INPP4B: variants seen among roughly 807,000 people sequenced by gnomAD.
The protein encoded by INPP4B is inositol polyphosphate 4-phosphatase type II.
In INPP4B, 55 loss-of-function variants were observed where a neutral mutation model predicts 122.5. The ratio of observed to expected loss-of-function variants is 0.45; its 90% CI spans 0.36 to 0.56. INPP4B has a LOEUF of 0.56. Among genes scored for constraint, INPP4B ranks in the 20% least tolerant of loss-of-function variants. INPP4B has a pLI of 0.00. For missense variants in INPP4B, 1,000 were observed against 1,097.7 expected (o/e 0.91, Z 1.26); for synonymous variants, 403 against 388.7 (o/e 1.04, Z -0.43).
intron 2 of INPP4B, among the ~76,000 whole-genome samples, chr4:142,516,492 AG>A (rs1825429127): frequency 3.9e-5 from 6 of 152,158 alleles, no homozygotes; most frequent in African/African-American, 1.2e-4. Context: ...GGACAGAGAG[AG>A]TAAGTCACCA....
chr4:142,446,110 G>A (rs1483552056), intron 3 of INPP4B, among the ~76,000 whole-genome samples: 1 of 151,520 alleles, frequency 6.6e-6, no homozygotes, highest in Non-Finnish European at 1.5e-5. Flanking sequence ...TAGAAAAAGG[G>A]CAAATTAAAT....
rs573149396 is a variant in INPP4B at position 142,120,060 on chromosome 4, TA to T, written c.2135+2067del. Among the ~76,000 whole-genome samples the T allele has an allele frequency of 3.3e-5, 5 of 152,022 alleles. No homozygotes were observed. In the East Asian group the frequency reaches 7.7e-4, roughly 24 times the overall value. ...ATGTGTAAATTCTTCTCTTTCCATA[TA>T]GATAAACCAATTGTCCCAGCATCAT... On this transcript the variant is annotated intron_variant, in intron 21 of 25. Coordinates refer to ENST00000262992, the MANE Select transcript of INPP4B (RefSeq NM_001101669.3).
At chr4:142,820,030 C>T (rs1482781536) in intron 1 of INPP4B, among the ~76,000 whole-genome samples, 1 of 152,118 alleles carries the variant, frequency 6.6e-6, no homozygotes, top group East Asian at 1.9e-4. Context: ...TAAATAATGG[C>T]ACCTGAATCC....
intron 17 of INPP4B, among the ~76,000 whole-genome samples, chr4:142,153,814 A>G (rs1215400625): frequency 6.6e-6 from 1 of 152,140 alleles, no homozygotes; most frequent in Non-Finnish European, 1.5e-5. Flanking sequence ...GAAAATATTA[A>G]CTGCATGTGG....
At chr4:142,756,143 T>A (rs1770485363) in intron 1 of INPP4B, among the ~76,000 whole-genome samples, 1 of 152,048 alleles carries the variant, frequency 6.6e-6, no homozygotes, top group Non-Finnish European at 1.5e-5. Flanking sequence ...GAAAAGATTC[T>A]AAACAGAGAT....
rs150591879 is a variant in INPP4B, at chr4:142,526,665, C to G, written c.-190-63939G>C. On this transcript the variant is annotated intron_variant, in intron 2 of 25. Transcript: ENST00000262992. ...ATCCGTAAATCCATGTTTAATAAAA[C>G]AAAATCAATCTTCAGAGGTTTGAAA... 9.1e-3 allele frequency among the ~76,000 whole-genome samples: 1,385 copies of G among 152,160 alleles called. 18 individuals are homozygous for G. The highest frequency in any genetic ancestry group is 0.017 in the Middle Eastern group (5 of 294).
chr4:142,172,488 T>C (rs1367560329), intron 16 of INPP4B, among the ~76,000 whole-genome samples: 1 of 151,964 alleles, frequency 6.6e-6, no homozygotes, highest in Non-Finnish European at 1.5e-5. Flanking sequence ...GACAGAGGCA[T>C]GTGTTCTGGC....
intron 7 of INPP4B, among the ~76,000 whole-genome samples, chr4:142,337,506 A>G (rs1008277039): frequency 6.6e-6 from 1 of 151,482 alleles, no homozygotes; most frequent in Non-Finnish European, 1.5e-5. Context: ...GTAATTATAT[A>G]TCACTGTATT....
intron 7 of INPP4B, among the ~76,000 whole-genome samples, chr4:142,375,143 C>T (rs562846002): frequency 6.6e-6 from 1 of 151,924 alleles, no homozygotes; most frequent in Non-Finnish European, 1.5e-5. Context: ...CAGCAACCTC[C>T]CAATCAATAA....
chr4:142,208,001 T>C (rs545773778), intron 14 of INPP4B, among the ~76,000 whole-genome samples: 35 of 152,254 alleles, frequency 2.3e-4, no homozygotes, highest in African/African-American at 7.2e-4. Context: ...AAAAGGGAGT[T>C]TCTATTGATA....
intron 2 of INPP4B, among the ~76,000 whole-genome samples, chr4:142,608,164 G>T (rs1004031503): frequency 2.0e-5 from 3 of 152,148 alleles, no homozygotes; most frequent in African/African-American, 7.2e-5. Flanking sequence ...TAGAGTGACT[G>T]CTGCACCTGC....
chr4:142,408,678 G>C (rs557171481), intron 5 of INPP4B, among the ~76,000 whole-genome samples: 1 of 152,310 alleles, frequency 6.6e-6, no homozygotes, highest in African/African-American at 2.4e-5. Flanking sequence ...CTAAAAGAAA[G>C]CAATGCTTTG....
chr4:142,440,798 G>A (rs752232811), intron 3 of INPP4B, among the ~76,000 whole-genome samples: 8 of 151,976 alleles, frequency 5.3e-5, no homozygotes, highest in Admixed American at 1.3e-4. Flanking sequence ...CACATATATG[G>A]CAAAATAGTT....
At chr4:142,516,278 G>C (rs753508676) in intron 2 of INPP4B, among the ~76,000 whole-genome samples, 5 of 152,158 alleles carry the variant, frequency 3.3e-5, no homozygotes, top group African/African-American at 4.8e-5. Context: ...ACTATGAACA[G>C]AAATCCAACT....
At chr4:142,205,879 A>G (rs779842109) in intron 14 of INPP4B, among the ~76,000 whole-genome samples, 3 of 152,136 alleles carry the variant, frequency 2.0e-5, no homozygotes, top group Non-Finnish European at 4.4e-5. Flanking sequence ...AAAAATCATT[A>G]CCTACTGTTC....
chr4:142,282,888 T>A (rs1751851814), intron 9 of INPP4B, among the ~76,000 whole-genome samples: 1 of 152,068 alleles, frequency 6.6e-6, no homozygotes, highest in East Asian at 1.9e-4. Flanking sequence ...CATCTTAGCA[T>A]TCTGATTACC....
chr4:142,587,916 T>C (rs1298685033), intron 2 of INPP4B, among the ~76,000 whole-genome samples: 1 of 151,922 alleles, frequency 6.6e-6, no homozygotes, highest in African/African-American at 2.4e-5. Flanking sequence ...CTGTCATAAA[T>C]ATAAATGCAA....
chr4:142,271,969 T>C (rs1421869506), intron 9 of INPP4B, among the ~76,000 whole-genome samples: 3 of 152,152 alleles, frequency 2.0e-5, no homozygotes, highest in South Asian at 4.1e-4. Flanking sequence ...ACTGCACATA[T>C]AATATTTTTC....
At chr4:142,711,747 A>G (rs78814240) in intron 2 of INPP4B, among the ~76,000 whole-genome samples, 3,423 of 152,212 alleles carry the variant, frequency 0.022, 58 homozygotes, top group Middle Eastern at 0.095. Context: ...GAAATTGATG[A>G]CCTTATATAA....
Sources: allele counts gnomAD v4.1 joint callset (sites outside exome capture counted in the v4.1 genomes callset), GRCh38; gene constraint gnomAD v4.1.1; transcripts MANE v1.5; gene names NCBI Gene and HGNC (gene_info 2026-07-23, HGNC 2026-07-21).